PKIB: variants seen among roughly 807,000 people sequenced by gnomAD.
PKIB encodes PKI-beta.
A neutral mutation model predicts 4.5 loss-of-function variants in PKIB; 2 were observed. The observed-to-expected ratio is 0.44, with a 90% CI of 0.18 to 1.39. PKIB has a LOEUF of 1.39. PKIB is among the 40% of genes most tolerant of loss of function. The pLI, the probability that PKIB is intolerant of heterozygous loss-of-function variation, is 0.27. For synonymous variants in PKIB, 38 were observed against 36.0 expected (o/e 1.06, Z -0.20); for missense variants, 94 against 92.6 (o/e 1.02, Z -0.06).
chr6:122,721,141 G>T (rs1048478007), intron 4 of PKIB, among the ~76,000 whole-genome samples: 1 of 152,116 alleles, frequency 6.6e-6, no homozygotes, highest in Non-Finnish European at 1.5e-5. Context: ...AAGGAAAGAC[G>T]GAGCCTTAGA....
At chr6:122,626,915 C>A (rs1344380432) in intron 1 of PKIB, among the ~76,000 whole-genome samples, 4 of 151,874 alleles carry the variant, frequency 2.6e-5, no homozygotes, top group Non-Finnish European at 5.9e-5. Context: ...ATTCAAAGGA[C>A]AATTTAAATT....
At chr6:122,589,946 T>C (rs866180200) in intron 3 of PKIB, among the ~76,000 whole-genome samples, 1 of 152,148 alleles carries the variant, frequency 6.6e-6, no homozygotes, top group African/African-American at 2.4e-5. Flanking sequence ...TTTTCAGTCT[T>C]TGGTTATTCT....
chr6:122,651,128 G>A (rs775977852), intron 2 of PKIB, among the ~76,000 whole-genome samples: 4 of 152,084 alleles, frequency 2.6e-5, no homozygotes, highest in Non-Finnish European at 5.9e-5. Context: ...CATTACCCCT[G>A]CATCCTTCAA....
chr6:122,563,333 G>C (rs35340067), intron 2 of PKIB, among the ~76,000 whole-genome samples: 204 of 152,262 alleles, frequency 1.3e-3, no homozygotes, highest in Non-Finnish European at 2.4e-3. Context: ...GGGTCTCTCA[G>C]CTGTGTGTCT....
rs550986995 is a variant in PKIB, at chr6:122,660,233, A to G, written c.-75-14845A>G. Among the ~76,000 whole-genome samples the G allele has an allele frequency of 5.9e-5, 9 of 152,326 alleles. No homozygotes were observed. In the East Asian group the frequency reaches 1.5e-3, roughly 26 times the overall value. ...TCCACTATTGTGGACAATATGGTCA[A>G]GAGTAAAGAAGCCCATGTTGCCCTT... On this transcript the variant is annotated intron_variant, in intron 2 of 4. Transcript: ENST00000368452.
At chr6:122,583,098 C>G (rs1231874795) in intron 2 of PKIB, among the ~76,000 whole-genome samples, 5 of 151,776 alleles carry the variant, frequency 3.3e-5, no homozygotes, top group African/African-American at 1.2e-4. Context: ...TTCTATTTAT[C>G]TTAAATAGGT....
At chr6:122,502,739 TACTG>T (rs1160207425) in intron 2 of PKIB, among the ~76,000 whole-genome samples, 5 of 152,162 alleles carry the variant, frequency 3.3e-5, no homozygotes, top group Non-Finnish European at 7.4e-5. Flanking sequence ...TTTATATACA[TACTG>T]AATATAGTAA....
intron 2 of PKIB, among the ~76,000 whole-genome samples, chr6:122,495,012 T>C (rs938787970): frequency 1.3e-5 from 2 of 152,214 alleles, no homozygotes; most frequent in Non-Finnish European, 2.9e-5. Context: ...TCAACAGTTA[T>C]AGCCCTGCTA....
chr6:122,546,436 T>C (rs2114647083), intron 2 of PKIB, among the ~76,000 whole-genome samples: 1 of 152,190 alleles, frequency 6.6e-6, no homozygotes, highest in East Asian at 1.9e-4. Flanking sequence ...AGCCACAGCT[T>C]AGTTTGCAAC....
At chr6:122,714,054 G>A (rs1166509660) in intron 3 of PKIB, among the ~76,000 whole-genome samples, 1 of 152,086 alleles carries the variant, frequency 6.6e-6, no homozygotes, top group Non-Finnish European at 1.5e-5. Context: ...TGTCTCCAGT[G>A]GTACAATAAA....
At chr6:122,639,521 A>C (rs73768334) in intron 2 of PKIB, among the ~76,000 whole-genome samples, 9 of 152,294 alleles carry the variant, frequency 5.9e-5, no homozygotes, top group African/African-American at 2.2e-4. Context: ...AGACACTGCA[A>C]TTCTCCAGAG....
chr6:122,584,583 A>G (rs1773797726), intron 2 of PKIB, among the ~76,000 whole-genome samples: 2 of 152,158 alleles, frequency 1.3e-5, no homozygotes. Context: ...CTCAGAGATT[A>G]TTAACTTTTA....
chr6:122,479,797 G>C (rs918409317), intron 2 of PKIB: 1 of 152,132 alleles, frequency 6.6e-6, no homozygotes, highest in African/African-American at 2.4e-5. Context: ...TTTGTATATA[G>C]ATAGACTTGA....
intron 3 of PKIB, among the ~76,000 whole-genome samples, chr6:122,713,007 C>T (rs1779334345): frequency 6.6e-6 from 1 of 152,098 alleles, no homozygotes; most frequent in African/African-American, 2.4e-5. Flanking sequence ...TTATCTTGAA[C>T]ATCTCGTCCT....
At chr6:122,590,093 A>C (rs949484660) in intron 3 of PKIB, among the ~76,000 whole-genome samples, 1 of 152,184 alleles carries the variant, frequency 6.6e-6, no homozygotes, top group Non-Finnish European at 1.5e-5. Flanking sequence ...GGAAAACGGT[A>C]AAGTATTCAG....
intron 1 of PKIB, among the ~76,000 whole-genome samples, chr6:122,610,840 A>G (rs533820220): frequency 3.3e-5 from 5 of 152,044 alleles, no homozygotes; most frequent in Non-Finnish European, 5.9e-5. Flanking sequence ...GCAGGTGGCC[A>G]TTGATGACCT....
chr6:122,691,339 A>G (rs1236304214), intron 3 of PKIB, among the ~76,000 whole-genome samples: 1 of 151,736 alleles, frequency 6.6e-6, no homozygotes, highest in Non-Finnish European at 1.5e-5. Flanking sequence ...TTTTGAGGGT[A>G]TTTTCTAGAT....
chr6:122,542,262 C>T (rs1397766246), intron 2 of PKIB, among the ~76,000 whole-genome samples: 1 of 152,046 alleles, frequency 6.6e-6, no homozygotes, highest in African/African-American at 2.4e-5. Context: ...AGGCACTCTG[C>T]TTTTTAGAGT....
chr6:122,589,273 AATT>A (rs1773947174), intron 3 of PKIB, among the ~76,000 whole-genome samples: 1 of 152,178 alleles, frequency 6.6e-6, no homozygotes. Flanking sequence ...ACTATGCAAC[AATT>A]TAAAAGAATG....
Sources: allele counts gnomAD v4.1 joint callset (sites outside exome capture counted in the v4.1 genomes callset), GRCh38; gene constraint gnomAD v4.1.1; transcripts MANE v1.5; gene names NCBI Gene and HGNC (gene_info 2026-07-23, HGNC 2026-07-21).